SPTAN1: variants seen among roughly 807,000 people sequenced by gnomAD.
SPTAN1 encodes the protein spectrin alpha chain, non-erythrocytic 1.
SPTAN1 carries 61 observed loss-of-function variants against 331.3 expected under a neutral mutation model. The observed-to-expected ratio is 0.18, with a 90% CI of 0.15 to 0.23. The LOEUF (loss-of-function observed/expected upper bound fraction) is 0.23, where lower values mean the gene tolerates loss of function less well. Among genes scored for constraint, SPTAN1 ranks in the 10% least tolerant of loss-of-function variants. The probability of loss-of-function intolerance (pLI) is 1.00; values close to 1 mark genes in which losing one functional copy is unlikely to be tolerated. For synonymous variants in SPTAN1, 1,153 were observed against 1,173.9 expected, an observed-to-expected ratio of 0.98 and a Z score of 0.36; for missense variants, 2,043 against 3,147.9, an observed-to-expected ratio of 0.65 and a Z score of 8.40.
chr9:128,565,449 G>T (rs1007887979), intron 1 of SPTAN1, among the ~76,000 whole-genome samples: 13 of 152,098 alleles, frequency 8.5e-5, no homozygotes, highest in African/African-American at 3.1e-4. Flanking sequence ...TAAAGGAATG[G>T]TGATATGACT....
At chr9:128,609,320 G>C in intron 36 of SPTAN1, 36 bp downstream of exon 36, 4 of 1,613,942 alleles carry the variant, frequency 2.5e-6, no homozygotes, top group Non-Finnish European at 3.4e-6. Context: ...TCTTGATGTA[G>C]CCTTATGTTA....
At chr9:128,561,370 CAA>C (rs1362490259) in intron 1 of SPTAN1, among the ~76,000 whole-genome samples, 2 of 81,672 alleles carry the variant, frequency 2.4e-5, no homozygotes. Flanking sequence ...GACTCCATCT[CAA>C]AAAAAAAAAG....
intron 3 of SPTAN1, among the ~76,000 whole-genome samples, chr9:128,571,382 C>G (rs1477055882): frequency 6.6e-6 from 1 of 151,786 alleles, no homozygotes; most frequent in Non-Finnish European, 1.5e-5. Flanking sequence ...GTCAGGAGTT[C>G]AAGACCAGCC....
intron 24 of SPTAN1, among the ~76,000 whole-genome samples, chr9:128,597,948 C>CTGTTT (rs965705692): frequency 6.8e-6 from 1 of 146,912 alleles, no homozygotes; most frequent in African/African-American, 2.5e-5. Context: ...CGCACCCGGC[C>CTGTTT]TGTTTTGTTT....
intron 1 of SPTAN1, among the ~76,000 whole-genome samples, chr9:128,565,185 C>G (rs532399096): frequency 1.3e-5 from 2 of 152,298 alleles, no homozygotes; most frequent in East Asian, 1.9e-4. Context: ...GGCCTGTAGT[C>G]CCCGCTACTC....
chr9:128,608,909 C>T lies in SPTAN1; in HGVS notation c.4527C>T (p.Asp1509=). 1 of 1,614,212 alleles carries T rather than the reference C, an allele frequency of 6.2e-7. No individual in the cohort carries two copies. The highest frequency in any genetic ancestry group is 8.5e-7 in the Non-Finnish European group (1 of 1,180,044). Residue 1509 remains aspartate, a synonymous_variant, in exon 35 of 57, where the codon GAC becomes GAT. Coordinates refer to ENST00000372739, the MANE Select transcript of SPTAN1 (RefSeq NM_001130438.3). ...EKIAALQAFA[D]QLIAAGHYAK... ...TTGCTGCTCTGCAGGCCTTTGCCGA[C>T]CAGCTCATCGCTGCCGGCCATTATG...
chr9:128,580,295 T>C (rs1851780755), intron 10 of SPTAN1, among the ~76,000 whole-genome samples: 1 of 150,668 alleles, frequency 6.6e-6, no homozygotes, highest in African/African-American at 2.4e-5. Context: ...AAAAAATAAA[T>C]AAATAAAAAT....
chr9:128,626,583 C>G lies in SPTAN1; in HGVS notation c.6472C>G (p.Leu2158Val). The G allele has an allele frequency of 6.2e-7, 1 of 1,613,932 alleles. No individual in the cohort carries two copies. The highest frequency in any genetic ancestry group is 1.1e-5 in the South Asian group (1 of 91,080). Residue 2158 changes from leucine to valine, a missense_variant, in exon 49 of 57, where the codon CTG becomes GTG. Physicochemically the swap from Leu to Val is conservative, Grantham distance 32. Around this residue, in one of 12 missense-constraint regions of SPTAN1, gnomAD observed 256 missense variants for 376.4 expected, o/e 0.68. Transcript: ENST00000372739. Reference protein sequence around the residue: ...AQADFNQLAELDRQIKSFRVA... With the variant: ...AQADFNQLAEVDRQIKSFRVA... Reference sequence around the variant, plus strand: ...GGCTGACTTCAACCAGCTGGCCGAGCTGGACCGCCAGATCAAGAGCTTCCG... The same window carrying G: ...GGCTGACTTCAACCAGCTGGCCGAGGTGGACCGCCAGATCAAGAGCTTCCG...
In SPTAN1 at chr9:128,583,120, T is replaced by G. The variant is rs761937499; in HGVS notation, c.1850T>G (p.Phe617Cys). 2 of 1,614,072 alleles carry G rather than the reference T, an allele frequency of 1.2e-6. No individual in the cohort carries two copies. Among genetic ancestry groups the G allele is most frequent in the Non-Finnish European group, 1.7e-6 (2 of 1,180,048 alleles). The stretch of plus-strand genomic sequence containing the variant: ...GGAAAAGTACAGAAGCATCAGGCTT[T>G]TGAGGCTGAGCTCTCAGCAAACCAG... ...LQGKVQKHQA[F>C]EAELSANQSR... Residue 617 changes from phenylalanine (F) to cysteine (C), a missense_variant, in exon 15 of 57, where the codon TTT (phenylalanine) becomes TGT (cysteine). Around this residue, in one of 12 missense-constraint regions of SPTAN1, gnomAD observed 1,038 missense variants for 1,531.5 expected, o/e 0.68. Coordinates refer to ENST00000372739, the MANE Select transcript of SPTAN1 (RefSeq NM_001130438.3).
intron 56 of SPTAN1, 112 bp downstream of exon 56, chr9:128,633,067 A>G (rs1860065997): frequency 1.3e-6 from 2 of 1,592,306 alleles, no homozygotes; most frequent in South Asian, 2.2e-5. Flanking sequence ...CTCCCCATTT[A>G]CAAATCAAAC....
chr9:128,615,221 G>A (rs1386219115), intron 40 of SPTAN1, among the ~76,000 whole-genome samples: 1 of 152,070 alleles, frequency 6.6e-6, no homozygotes, highest in Non-Finnish European at 1.5e-5. Context: ...TAGTTTGTTC[G>A]GTGGTTGTTC....
rs928027558 is a variant in SPTAN1 at position 128,630,045 on chromosome 9, A to T, written c.6708-276A>T. 13 of 597,240 alleles carry T rather than the reference A, an allele frequency of 2.2e-5. No individual in the cohort carries two copies. The African/African-American group carries it at 2.4e-4, about 11-fold the overall frequency. 37.0% of individuals were successfully genotyped at this position (597,240 alleles called of 1,614,324 possible). The stretch of plus-strand genomic sequence containing the variant: ...GCACCCATGGGGGAATTTAAACTCC[A>T]TTCCTGAGTCATCCTGGCCTTGGGA... On this transcript the variant is annotated intron_variant, in intron 51 of 56. Coordinates refer to ENST00000372739, the MANE Select transcript of SPTAN1 (RefSeq NM_001130438.3).
At chr9:128,618,584 C>T (rs1288761836) in intron 43 of SPTAN1, among the ~76,000 whole-genome samples, 3 of 152,014 alleles carry the variant, frequency 2.0e-5, no homozygotes, top group East Asian at 1.9e-4. Flanking sequence ...CCCAGGTTCA[C>T]GCCATTCTCC....
chr9:128,584,811 T>G lies in SPTAN1; in HGVS notation c.2528T>G (p.Val843Gly), dbSNP rs753368707. ...GGACATGAACCACGCATCAAAGCAG[T>G]TACACAGAAGGGGAATGCCATGGTG... is the stretch of plus-strand genomic sequence containing the variant. ...IAGHEPRIKA[V>G]TQKGNAMVEE... Residue 843 changes from valine (V) to glycine (G), a missense_variant, in exon 18 of 57, where the codon GTT becomes GGT. By Grantham distance (109) the Val-to-Gly change is moderately radical (BLOSUM62 -3). This residue lies in a region of SPTAN1 where 1,038 missense variants were observed against 1,531.5 expected (regional missense o/e 0.68). Transcript: ENST00000372739. 1 of 1,614,106 alleles carries G rather than the reference T, an allele frequency of 6.2e-7. No homozygotes were observed. Among genetic ancestry groups the G allele is most frequent in the South Asian group, 1.1e-5 (1 of 91,078 alleles).
At position 128,608,752 on chromosome 9, in the gene SPTAN1, T is replaced by G; in HGVS notation, c.4492-122T>G. The G allele has an allele frequency of 1.2e-5, 11 of 945,996 alleles. No individual in the cohort carries two copies. In the South Asian group the frequency reaches 1.2e-4, roughly 10 times the overall value. 58.6% of individuals were successfully genotyped at this position (945,996 alleles called of 1,614,324 possible). On this transcript the variant is annotated intron_variant, in intron 34 of 56. Coordinates refer to ENST00000372739, the MANE Select transcript of SPTAN1 (RefSeq NM_001130438.3). Reference sequence around the variant, plus strand: ...TCTTGCTTCTAAAGTGTCAGTGTATTCTGATCCTGCCACCAGCTAGTTCTC... The same window carrying G: ...TCTTGCTTCTAAAGTGTCAGTGTATGCTGATCCTGCCACCAGCTAGTTCTC...
intron 40 of SPTAN1, among the ~76,000 whole-genome samples, chr9:128,614,665 G>A (rs1336423341): frequency 6.6e-6 from 1 of 152,046 alleles, no homozygotes; most frequent in African/African-American, 2.4e-5. Flanking sequence ...CCAGTTACTT[G>A]GAGGCCGAGG....
intron 31 of SPTAN1, among the ~76,000 whole-genome samples, chr9:128,605,774 C>T (rs745670418): frequency 3.9e-5 from 6 of 152,040 alleles, no homozygotes; most frequent in Non-Finnish European, 5.9e-5. Flanking sequence ...GGCAGATCAC[C>T]TGAGGTCAAG....
chr9:128,563,369 C>T (rs1047256927), intron 1 of SPTAN1, among the ~76,000 whole-genome samples: 1 of 151,940 alleles, frequency 6.6e-6, no homozygotes, highest in Non-Finnish European at 1.5e-5. Flanking sequence ...GAGTTGAGAT[C>T]GTATCACTGC....
At chr9:128,565,629 C>A (rs1258082214) in intron 1 of SPTAN1, among the ~76,000 whole-genome samples, 2 of 152,196 alleles carry the variant, frequency 1.3e-5, no homozygotes, top group African/African-American at 4.8e-5. Flanking sequence ...CTTCTGTTTA[C>A]CTGCTAGGTG....
Sources: gnomAD v4.1 joint callset for allele counts (sites outside exome capture counted in the v4.1 genomes callset) on GRCh38, gnomAD v4.1.1 for gene constraint, gnomAD v4.1.1 regional missense constraint, MANE v1.5 for transcripts, NCBI Gene and HGNC (gene_info 2026-07-23, HGNC 2026-07-21) for gene names.